RTL4: variants seen among roughly 807,000 people sequenced by gnomAD.
The protein encoded by RTL4 is retrotransposon Gag like 4, also known as retrotransposon Gag-like protein 4.
Under a neutral mutation model 5.3 loss-of-function variants are expected in RTL4, and 4 were observed. The ratio of observed to expected loss-of-function variants is 0.75; its 90% CI spans 0.37 to 1.72. RTL4 has a LOEUF of 1.72. Ranked by LOEUF, RTL4 falls within the 40% of genes most tolerant of loss-of-function variation. The pLI is 0.04. For missense variants in RTL4, 260 were observed against 227.1 expected (o/e 1.14, Z -0.93); for synonymous variants, 98 against 87.3 (o/e 1.12, Z -0.68).
chrX:112,456,766 T>TA (rs1321363747), exon 1 of RTL4: 1 of 136,222 alleles, frequency 7.3e-6, no homozygotes, highest in Non-Finnish European at 1.6e-5. Flanking sequence ...TTGAGGATCT[T>TA]AAAAAACAAT....
At chrX:112,310,614 ATT>A in the RTL4 span, among the ~76,000 whole-genome samples, 1 of 59,051 alleles carries the variant, frequency 1.7e-5, no homozygotes, top group Non-Finnish European at 2.7e-5. Context: ...ATTTATATAT[ATT>A]TATATATATT....
At chrX:112,309,793 C>A in the RTL4 span, among the ~76,000 whole-genome samples, 4 of 106,538 alleles carry the variant, frequency 3.8e-5, no homozygotes, top group Non-Finnish European at 5.8e-5. Context: ...CATATATATA[C>A]ACACACACAC....
the RTL4 span, among the ~76,000 whole-genome samples, chrX:112,175,325 A>C: frequency 2.0e-3 from 196 of 98,993 alleles, no homozygotes; most frequent in African/African-American, 6.9e-3. Context: ...AGCACCATTT[A>C]TTAAATAGGG....
At chrX:112,406,610 T>C in the RTL4 span, among the ~76,000 whole-genome samples, 5 of 110,586 alleles carry the variant, frequency 4.5e-5, no homozygotes, top group Non-Finnish European at 9.5e-5. Flanking sequence ...TGGGAAAACA[T>C]CTAAACTATA....
chrX:112,188,676 A>G, the RTL4 span, among the ~76,000 whole-genome samples: 2 of 111,047 alleles, frequency 1.8e-5, no homozygotes, highest in Non-Finnish European at 3.8e-5. Flanking sequence ...ACTCCAAAGC[A>G]TTGGGAAGAT....
At chrX:112,313,448 G>T in the RTL4 span, among the ~76,000 whole-genome samples, 38 of 111,092 alleles carry the variant, frequency 3.4e-4, no homozygotes, top group African/African-American at 1.2e-3. Flanking sequence ...CTGCACAGTG[G>T]GTGCTGTTAT....
At chrX:112,360,639 A>G in the RTL4 span, among the ~76,000 whole-genome samples, 1 of 110,088 alleles carries the variant, frequency 9.1e-6, no homozygotes, top group Non-Finnish European at 1.9e-5. Context: ...CTATATCACT[A>G]CATATGCCTG....
chrX:112,135,549 A>G, the RTL4 span, among the ~76,000 whole-genome samples: 1 of 110,861 alleles, frequency 9.0e-6, no homozygotes, highest in South Asian at 3.7e-4. Context: ...TGATTTATCA[A>G]TTGTTTTGTA....
the RTL4 span, among the ~76,000 whole-genome samples, chrX:112,126,160 G>C: frequency 0.018 from 2,058 of 111,899 alleles, 19 homozygotes; most frequent in Non-Finnish European, 0.026. Flanking sequence ...AAGATGACTA[G>C]TCCCTAAGAA....
the RTL4 span, among the ~76,000 whole-genome samples, chrX:112,310,405 TATA>T: frequency 1.2e-4 from 4 of 33,286 alleles, no homozygotes; most frequent in East Asian, 4.6e-3. Flanking sequence ...TATATATATA[TATA>T]TATATATTTA....
At chrX:112,107,848 T>C in the RTL4 span, among the ~76,000 whole-genome samples, 11 of 112,097 alleles carry the variant, frequency 9.8e-5, no homozygotes, top group Non-Finnish European at 1.7e-4. Flanking sequence ...AATTCTTACA[T>C]CTTCCTCCAG....
the RTL4 span, among the ~76,000 whole-genome samples, chrX:112,127,310 G>T: frequency 9.0e-6 from 1 of 111,365 alleles, no homozygotes. Flanking sequence ...ATAGAATGAA[G>T]GGTATAAAAA....
the RTL4 span, among the ~76,000 whole-genome samples, chrX:112,230,066 G>A: frequency 2.9e-3 from 325 of 112,247 alleles, no homozygotes; most frequent in African/African-American, 9.6e-3. Flanking sequence ...TGTCAGACAG[G>A]GACATTTAAG....
the RTL4 span, among the ~76,000 whole-genome samples, chrX:112,164,724 A>T: frequency 5.0e-4 from 56 of 111,979 alleles, no homozygotes; most frequent in Middle Eastern, 9.2e-3. Context: ...ATAACCCCTG[A>T]ACTCTGACTC....
chrX:112,361,658 T>C, the RTL4 span, among the ~76,000 whole-genome samples: 1 of 110,921 alleles, frequency 9.0e-6, no homozygotes, highest in Admixed American at 9.6e-5. Flanking sequence ...GAGAGATTCC[T>C]CTGCCACGTC....
the RTL4 span, among the ~76,000 whole-genome samples, chrX:112,363,521 T>G: frequency 4.5e-5 from 5 of 110,303 alleles, no homozygotes; most frequent in Non-Finnish European, 9.5e-5. Context: ...TACTCATACT[T>G]ATGAGTATGA....
chrX:112,268,257 G>A, the RTL4 span, among the ~76,000 whole-genome samples: 15 of 111,633 alleles, frequency 1.3e-4, no homozygotes, highest in Non-Finnish European at 2.8e-4. Context: ...TCCTGCCTAA[G>A]GGCTTTCTCT....
At chrX:112,215,276 TTCTTC>T in the RTL4 span, among the ~76,000 whole-genome samples, 1 of 111,505 alleles carries the variant, frequency 9.0e-6, no homozygotes, top group African/African-American at 3.3e-5. Context: ...CACATCACAA[TTCTTC>T]TCTTCTAGCT....
the RTL4 span, among the ~76,000 whole-genome samples, chrX:112,216,142 C>T: frequency 3.9e-3 from 430 of 111,255 alleles, 1 homozygote; most frequent in Non-Finnish European, 6.6e-3. Flanking sequence ...GTAGAGGTTC[C>T]AGCTAGGTCA....
Sources: allele counts gnomAD v4.1 joint callset (sites outside exome capture counted in the v4.1 genomes callset), GRCh38; gene constraint gnomAD v4.1.1; transcripts MANE v1.5; gene names NCBI Gene and HGNC (gene_info 2026-07-23, HGNC 2026-07-21).